HS3ST4: variants seen among roughly 807,000 people sequenced by gnomAD.
The protein encoded by HS3ST4 is heparan sulfate glucosamine 3-O-sulfotransferase 4.
HS3ST4 carries 17 observed loss-of-function variants against 29.2 expected under a neutral mutation model. The observed-to-expected ratio is 0.58, with a 90% CI of 0.40 to 0.87. The LOEUF (loss-of-function observed/expected upper bound fraction) is 0.87. HS3ST4 is among the 40% of genes least tolerant of loss of function. HS3ST4 has a pLI of 0.00. For synonymous variants in HS3ST4, 314 were observed against 285.7 expected (o/e 1.10, Z -1.00); for missense variants, 627 against 634.5 (o/e 0.99, Z 0.13).
intron 1 of HS3ST4, among the ~76,000 whole-genome samples, chr16:25,961,799 A>G (rs1968795213): frequency 7.7e-6 from 1 of 129,424 alleles, no homozygotes; most frequent in Admixed American, 7.8e-5. Flanking sequence ...CCAATGAAAG[A>G]GTTGGACAAA....
intron 1 of HS3ST4, among the ~76,000 whole-genome samples, chr16:25,767,637 G>C (rs1966828777): frequency 1.3e-5 from 2 of 152,204 alleles, no homozygotes; most frequent in South Asian, 4.1e-4. Flanking sequence ...TTTTGGACCA[G>C]AGGCTGAGAG....
intron 1 of HS3ST4, among the ~76,000 whole-genome samples, chr16:25,728,767 A>G (rs768001683): frequency 1.2e-4 from 19 of 152,196 alleles, no homozygotes; most frequent in Non-Finnish European, 2.6e-4. Context: ...CTCAGTAATG[A>G]TAACTAGTAA....
rs192137864 is a variant in HS3ST4 at position 25,722,986 on chromosome 16, G to A, written c.734+29835G>A. 9.8e-5 allele frequency among the ~76,000 whole-genome samples: 15 copies of A among 152,308 alleles called. No homozygotes were observed. In the East Asian group the frequency reaches 2.5e-3, roughly 25 times the overall value. On this transcript the variant is annotated intron_variant, in intron 1 of 1. Coordinates refer to ENST00000331351, the MANE Select transcript of HS3ST4 (RefSeq NM_006040.3). Reference sequence around the variant, plus strand: ...AATCATGGTGGAAGGGGAAAGTCACGTCTTACATGACAGGAGACAAGAGAG... The same window carrying A: ...AATCATGGTGGAAGGGGAAAGTCACATCTTACATGACAGGAGACAAGAGAG...
At position 25,867,057 on chromosome 16, in the gene HS3ST4, C is replaced by G. The variant is rs575763036; in HGVS notation, c.734+173906C>G. On this transcript the variant is annotated intron_variant, in intron 1 of 1. Coordinates refer to ENST00000331351, the MANE Select transcript of HS3ST4 (RefSeq NM_006040.3). ...AAGGGTGGGCCTGAATCTTATCAGA[C>G]CATAGAAATAATATCCAACTTAGGC... 2.0e-5 allele frequency among the ~76,000 whole-genome samples: 3 copies of G among 152,210 alleles called. No homozygotes were observed. The South Asian group carries it at 6.2e-4, about 32-fold the overall frequency.
chr16:26,024,098 C>T (rs1969442722), intron 1 of HS3ST4, among the ~76,000 whole-genome samples: 1 of 151,970 alleles, frequency 6.6e-6, no homozygotes, highest in Non-Finnish European at 1.5e-5. Flanking sequence ...GTGGCACATG[C>T]CTGTAATCCC....
intron 1 of HS3ST4, among the ~76,000 whole-genome samples, chr16:25,966,625 A>C (rs1043725717): frequency 2.0e-5 from 3 of 152,162 alleles, no homozygotes; most frequent in African/African-American, 7.2e-5. Context: ...TGAGCATCTG[A>C]AAGTTGCTCA....
intron 1 of HS3ST4, among the ~76,000 whole-genome samples, chr16:25,857,408 A>G (rs914252320): frequency 6.6e-6 from 1 of 152,188 alleles, no homozygotes; most frequent in African/African-American, 2.4e-5. Context: ...GGGTTGTCTA[A>G]GGTCTTTACA....
intron 1 of HS3ST4, among the ~76,000 whole-genome samples, chr16:25,900,030 G>C (rs1254385742): frequency 6.6e-6 from 1 of 152,198 alleles, no homozygotes; most frequent in Non-Finnish European, 1.5e-5. Flanking sequence ...CTCCTGCTTT[G>C]AGCCATTGTT....
At chr16:26,004,369 TA>T (rs1377754515) in intron 1 of HS3ST4, among the ~76,000 whole-genome samples, 1 of 152,182 alleles carries the variant, frequency 6.6e-6, no homozygotes, top group Non-Finnish European at 1.5e-5. Flanking sequence ...AACCTATTTT[TA>T]AGTACTCTAC....
rs142336784 is a variant in HS3ST4 at position 25,820,010 on chromosome 16, C to CAAAAAAAAAAAAAAAAAAA, written c.734+126880_734+126898dup. On this transcript the variant is annotated intron_variant, in intron 1 of 1. Coordinates refer to ENST00000331351, the MANE Select transcript of HS3ST4 (RefSeq NM_006040.3). ...TGGGTGACAGAGTGATACTCTGTCT[C>CAAAAAAAAAAAAAAAAAAA]AAAAAAAAAAAAAAAAAAAAAAAAA... is the stretch of plus-strand genomic sequence containing the variant. Among the ~76,000 whole-genome samples the CAAAAAAAAAAAAAAAAAAA allele has an allele frequency of 6.6e-4, 31 of 46,930 alleles. 3 individuals are homozygous for CAAAAAAAAAAAAAAAAAAA. The highest frequency in any genetic ancestry group is 8.4e-4 in the Non-Finnish European group (25 of 29,884). 30.8% of individuals were successfully genotyped at this position (46,930 alleles called of 152,430 possible). A position where few individuals can be genotyped will look rare whatever the true frequency, so the allele number is the denominator to read the frequency against.
chr16:25,861,686 C>T lies in HS3ST4; in HGVS notation c.734+168535C>T, dbSNP rs74769092. 7.4e-3 allele frequency among the ~76,000 whole-genome samples: 1,125 copies of T among 152,230 alleles called. 28 individuals are homozygous for T. Among genetic ancestry groups the T allele is most frequent in the Admixed American group, 0.048 (738 of 15,290 alleles). On this transcript the variant is annotated intron_variant, in intron 1 of 1. Coordinates refer to ENST00000331351, the MANE Select transcript of HS3ST4 (RefSeq NM_006040.3). Reference sequence around the variant, plus strand: ...ACTCCCTCAAATAACTCAATCAAGACCACAGTTCCTTCCCTTTCTCTCAGG... The same window carrying T: ...ACTCCCTCAAATAACTCAATCAAGATCACAGTTCCTTCCCTTTCTCTCAGG...
At chr16:26,058,904 G>A (rs556705545) in intron 1 of HS3ST4, among the ~76,000 whole-genome samples, 1 of 152,296 alleles carries the variant, frequency 6.6e-6, no homozygotes, top group Non-Finnish European at 1.5e-5. Flanking sequence ...TGAATGTCAA[G>A]GAAGGATGAT....
chr16:26,075,415 C>G (rs535701229), intron 1 of HS3ST4, among the ~76,000 whole-genome samples: 1 of 152,178 alleles, frequency 6.6e-6, no homozygotes, highest in Non-Finnish European at 1.5e-5. Flanking sequence ...TGCTGTATTT[C>G]TAGCACTCAA....
At chr16:25,754,917 C>G (rs1274205238) in intron 1 of HS3ST4, among the ~76,000 whole-genome samples, 1 of 151,940 alleles carries the variant, frequency 6.6e-6, no homozygotes, top group Non-Finnish European at 1.5e-5. Context: ...ATCCACCCAT[C>G]CATCCATTCA....
chr16:25,733,191 T>G (rs1468114496), intron 1 of HS3ST4, among the ~76,000 whole-genome samples: 1 of 152,208 alleles, frequency 6.6e-6, no homozygotes, highest in Non-Finnish European at 1.5e-5. Flanking sequence ...TCTTATTTTG[T>G]TTTATGTGCC....
intron 1 of HS3ST4, among the ~76,000 whole-genome samples, chr16:25,696,162 C>T (rs568683278): frequency 2.6e-5 from 4 of 152,202 alleles, no homozygotes; most frequent in Non-Finnish European, 5.9e-5. Context: ...AAGCGAGCCT[C>T]ACTTGGTGGA....
intron 1 of HS3ST4, among the ~76,000 whole-genome samples, chr16:25,856,845 T>C (rs888000783): frequency 6.6e-6 from 1 of 152,110 alleles, no homozygotes; most frequent in African/African-American, 2.4e-5. Flanking sequence ...ACTAGTAATA[T>C]TAAGTAAAGT....
intron 1 of HS3ST4, among the ~76,000 whole-genome samples, chr16:25,714,136 C>T (rs1360470644): frequency 2.0e-5 from 3 of 152,004 alleles, no homozygotes; most frequent in African/African-American, 4.8e-5. Flanking sequence ...AAAGAACCTC[C>T]CCGTTCCAAA....
chr16:25,790,191 A>C (rs949726430), intron 1 of HS3ST4, among the ~76,000 whole-genome samples: 11 of 147,952 alleles, frequency 7.4e-5, no homozygotes, highest in African/African-American at 1.3e-4. Flanking sequence ...GCAGGTGATC[A>C]CCTGAAGTCA....
Sources: gnomAD v4.1 joint callset for allele counts (sites outside exome capture counted in the v4.1 genomes callset) on GRCh38, gnomAD v4.1.1 for gene constraint, MANE v1.5 for transcripts, NCBI Gene and HGNC (gene_info 2026-07-23, HGNC 2026-07-21) for gene names.